TNRC6A: variants seen among roughly 807,000 people sequenced by gnomAD.
The protein encoded by TNRC6A is trinucleotide repeat-containing gene 6A protein.
Under a neutral mutation model 221.2 loss-of-function variants are expected in TNRC6A, and 44 were observed. The ratio of observed to expected loss-of-function variants is 0.20; its 90% CI spans 0.16 to 0.26. TNRC6A has a LOEUF of 0.26. Among genes scored for constraint, TNRC6A ranks in the 10% least tolerant of loss-of-function variants. The pLI, the probability that TNRC6A is intolerant of heterozygous loss-of-function variation, is 1.00. For missense variants in TNRC6A, 2,199 were observed against 2,404.4 expected (o/e 0.91, Z 1.79); for synonymous variants, 847 against 838.5 (o/e 1.01, Z -0.18).
At chr16:24,624,059 T>A (rs1237053321) in intron 1 of TNRC6A, among the ~76,000 whole-genome samples, 2 of 152,144 alleles carry the variant, frequency 1.3e-5, no homozygotes, top group African/African-American at 2.4e-5. Flanking sequence ...CATACGCGGC[T>A]CTGCTGCTCT....
intron 3 of TNRC6A, among the ~76,000 whole-genome samples, chr16:24,754,087 G>T (rs561532263): frequency 1.3e-4 from 20 of 152,076 alleles, no homozygotes; most frequent in African/African-American, 4.6e-4. Context: ...TTATAATAGG[G>T]TATAAAATAG....
chr16:24,729,215 A>T (rs1371046287), upstream of TNRC6A, among the ~76,000 whole-genome samples: 1 of 151,978 alleles, frequency 6.6e-6, no homozygotes, highest in Non-Finnish European at 1.5e-5. Flanking sequence ...AACTGGCCCA[A>T]GGTCAAAAAT....
At chr16:24,798,815 T>C (rs901412553) in intron 11 of TNRC6A, among the ~76,000 whole-genome samples, 4 of 152,332 alleles carry the variant, frequency 2.6e-5, no homozygotes, top group East Asian at 1.9e-4. Flanking sequence ...AACTACGCAG[T>C]AATTTGCTAA....
chr16:24,808,907 A>C (rs1310388097), intron 17 of TNRC6A, among the ~76,000 whole-genome samples: 1 of 152,208 alleles, frequency 6.6e-6, no homozygotes, highest in African/African-American at 2.4e-5. Context: ...GTTCCAAGAG[A>C]ATATCCAAGT....
intron 2 of TNRC6A, among the ~76,000 whole-genome samples, chr16:24,665,430 G>A (rs190579311): frequency 2.7e-3 from 410 of 152,212 alleles, no homozygotes; most frequent in Non-Finnish European, 3.1e-3. Flanking sequence ...CAGAGAATCA[G>A]GGCAGAGCAT....
intron 2 of TNRC6A, among the ~76,000 whole-genome samples, chr16:24,699,281 T>G (rs2055922559): frequency 6.6e-6 from 1 of 152,142 alleles, no homozygotes; most frequent in Non-Finnish European, 1.5e-5. Context: ...AGGCAAAGAA[T>G]TCTCACATGG....
chr16:24,773,350 T>C (rs2057652750), intron 4 of TNRC6A, among the ~76,000 whole-genome samples: 2 of 152,262 alleles, frequency 1.3e-5, no homozygotes, highest in Non-Finnish European at 2.9e-5. Context: ...CTTCTTTTTC[T>C]TTTCTGTTTT....
chr16:24,753,402 A>AAGGTTTAATACC (rs1280509808), intron 3 of TNRC6A, among the ~76,000 whole-genome samples: 3 of 152,238 alleles, frequency 2.0e-5, no homozygotes, highest in Non-Finnish European at 4.4e-5. Flanking sequence ...AATATAAAGG[A>AAGGTTTAATACC]AGGTTTAATA....
chr16:24,662,438 C>T (rs551243309), intron 2 of TNRC6A: 30 of 151,866 alleles, frequency 2.0e-4, no homozygotes, highest in African/African-American at 7.3e-4. Context: ...GAGCCATGAT[C>T]GTGCCGCTGT....
chr16:24,682,521 C>T (rs550176712), intron 2 of TNRC6A, among the ~76,000 whole-genome samples: 26 of 151,966 alleles, frequency 1.7e-4, no homozygotes, highest in African/African-American at 4.6e-4. Flanking sequence ...AGCTACCACA[C>T]GCAGCTGAAG....
At chr16:24,786,658 T>G (rs543741429) in intron 5 of TNRC6A, among the ~76,000 whole-genome samples, 2 of 152,240 alleles carry the variant, frequency 1.3e-5, no homozygotes, top group East Asian at 3.9e-4. Context: ...TGTGTGAGAT[T>G]GGTACTAATA....
At chr16:24,670,458 C>T (rs1043389517) in intron 2 of TNRC6A, among the ~76,000 whole-genome samples, 1 of 152,056 alleles carries the variant, frequency 6.6e-6, no homozygotes, top group Non-Finnish European at 1.5e-5. Flanking sequence ...CTGGAGGCTA[C>T]GGGGCTGCTG....
At chr16:24,792,246 T>A (rs1179920799) in intron 6 of TNRC6A, among the ~76,000 whole-genome samples, 1 of 152,136 alleles carries the variant, frequency 6.6e-6, no homozygotes, top group Non-Finnish European at 1.5e-5. Flanking sequence ...AGGTGAGAAA[T>A]CCAACTCTAC....
rs777354477 is a variant in TNRC6A at position 24,822,885 on chromosome 16, A to C, written c.5385A>C (p.Ser1795=). 8 of 1,613,714 alleles carry C rather than the reference A, an allele frequency of 5.0e-6. No homozygotes were observed. The highest frequency in any genetic ancestry group is 5.9e-6 in the Non-Finnish European group (7 of 1,180,000). The stretch of plus-strand genomic sequence containing the variant: ...ACACTGTTTCCTAGATCGATGGCTC[A>C]ACTCTGCGCACTCTGTGCATGCAGC... The part of the protein sequence containing the change: ...LKNLTPQIDG[S]TLRTLCMQHG... The change falls in exon 24 of 25, where the codon TCA becomes TCC. Residue 1795 remains serine (S), a synonymous_variant. Coordinates refer to ENST00000395799, the MANE Select transcript of TNRC6A (RefSeq NM_014494.4).
At chr16:24,631,697 A>G (rs11074636) in intron 1 of TNRC6A, among the ~76,000 whole-genome samples, 104,757 of 151,498 alleles carry the variant, frequency 0.69, 37,586 homozygotes, top group African/African-American at 0.88. Context: ...ACTTGAACCC[A>G]GGAGGTGGAG....
rs937388729 is a variant in TNRC6A, at chr16:24,679,148, G to T, written n.402+38139G>T. Among the ~76,000 whole-genome samples, 4 of 151,846 alleles carry T rather than the reference G, an allele frequency of 2.6e-5. No homozygotes were observed. In the East Asian group the frequency reaches 7.8e-4, roughly 30 times the overall value. Reference sequence around the variant, plus strand: ...CGAGTAGCTGGGATTACAGGCAAGCGCCACCACGCCTAGCTAATTTTGTAT... The same window carrying T: ...CGAGTAGCTGGGATTACAGGCAAGCTCCACCACGCCTAGCTAATTTTGTAT... On this transcript the variant is annotated intron_variant and non_coding_transcript_variant, in intron 2 of 2. Transcript: ENST00000566108.
intron 2 of TNRC6A, among the ~76,000 whole-genome samples, chr16:24,653,909 T>G (rs1225417944): frequency 6.6e-6 from 1 of 152,198 alleles, no homozygotes; most frequent in East Asian, 1.9e-4. Context: ...ATTATTAACT[T>G]TTTTTGGCAG....
At chr16:24,673,696 G>A (rs2055351175) in intron 2 of TNRC6A, among the ~76,000 whole-genome samples, 1 of 152,012 alleles carries the variant, frequency 6.6e-6, no homozygotes, top group Admixed American at 6.6e-5. Flanking sequence ...AAGAAGGTGG[G>A]ACTACAGGCC....
At chr16:24,679,614 C>A (rs1461807493) in intron 2 of TNRC6A, among the ~76,000 whole-genome samples, 2 of 152,104 alleles carry the variant, frequency 1.3e-5, no homozygotes, top group South Asian at 4.2e-4. Context: ...GTAGCTGGGA[C>A]TACAGGCACA....
Sources: allele counts gnomAD v4.1 joint callset (sites outside exome capture counted in the v4.1 genomes callset), GRCh38; gene constraint gnomAD v4.1.1; transcripts MANE v1.5; gene names NCBI Gene and HGNC (gene_info 2026-07-23, HGNC 2026-07-21).